Variants in SLC34A2 observed in about 807,000 individuals in gnomAD.
SLC34A2 encodes the protein solute carrier family 34 member 2.
A neutral mutation model predicts 50.8 loss-of-function variants in SLC34A2; 41 were observed. That is an observed-to-expected ratio of 0.81 (90% CI 0.63 to 1.05). The LOEUF is 1.05. Among genes scored for constraint, SLC34A2 ranks in the 50% least tolerant of loss-of-function variants. SLC34A2 has a pLI of 0.00. For synonymous variants in SLC34A2, 401 were observed against 364.2 expected, an observed-to-expected ratio of 1.10 and a Z score of -1.15; for missense variants, 879 against 876.7, an observed-to-expected ratio of 1.00 and a Z score of -0.03.
chr4:25,675,070 A>C (rs1392971294), intron 12 of SLC34A2, among the ~76,000 whole-genome samples: 1 of 151,968 alleles, frequency 6.6e-6, no homozygotes, highest in East Asian at 1.9e-4. Flanking sequence ...CTCGCACTGT[A>C]GCCCAGGCTG....
chr4:25,670,214 A>G (rs1467582028), intron 7 of SLC34A2, among the ~76,000 whole-genome samples: 1 of 152,216 alleles, frequency 6.6e-6, no homozygotes, highest in Non-Finnish European at 1.5e-5. Context: ...ACAAAGTGAG[A>G]CTGTTTTTAA....
intron 11 of SLC34A2, 37 bp downstream of exon 11, chr4:25,674,449 T>C: frequency 6.2e-7 from 1 of 1,614,222 alleles, no homozygotes; most frequent in East Asian, 2.2e-5. Context: ...TGGCCACCAC[T>C]GCCATTTCCT....
In SLC34A2 at chr4:25,664,285, G is replaced by C. The variant is rs78448446; in HGVS notation, c.334G>C (p.Val112Leu). The change falls in exon 4 of 13, where the codon GTG becomes CTG. Residue 112 changes from valine (V) to leucine (L), a missense_variant. By Grantham distance (32) the Val-to-Leu change is conservative (BLOSUM62 1). Coordinates refer to ENST00000382051, the MANE Select transcript of SLC34A2 (RefSeq NM_006424.3). ...ACTTCTCGGATTTCTCTACTTTTTC[G>C]TGTGCTCCCTGGATATTCTTAGTAG... ...ILLLGFLYFF[V>L]CSLDILSSAF... The C allele has an allele frequency of 2.5e-6, 4 of 1,612,126 alleles. No homozygotes were observed. In the African/African-American group the frequency reaches 4.0e-5, roughly 16 times the overall value.
rs1291154718 is a variant in SLC34A2 at position 25,677,460 on chromosome 4, G to C, written c.*711G>C. ...TCAGGCTGGATACATGTGCTCACCT[G>C]CTGCTCTTGTCTTCCTAAGAGACAG... On this transcript the variant is annotated 3_prime_UTR_variant, in exon 13 of 13. Coordinates refer to ENST00000382051, the MANE Select transcript of SLC34A2 (RefSeq NM_006424.3). 1 of 152,266 alleles carries C rather than the reference G, an allele frequency of 6.6e-6. No homozygotes were observed. The highest frequency in any genetic ancestry group is 2.4e-5 in the African/African-American group (1 of 41,448). 9.4% of individuals were successfully genotyped at this position (152,266 alleles called of 1,614,324 possible).
chr4:25,670,870 A>ATATT, intron 8 of SLC34A2, 37 bp downstream of exon 8: 1 of 1,500,630 alleles, frequency 6.7e-7, no homozygotes, highest in Non-Finnish European at 9.3e-7. Flanking sequence ...CGGGGAGTGA[A>ATATT]CCTTTGCATC....
At chr4:25,661,737 C>T (rs1714195564) in intron 1 of SLC34A2, among the ~76,000 whole-genome samples, 1 of 152,090 alleles carries the variant, frequency 6.6e-6, no homozygotes, top group East Asian at 1.9e-4. Context: ...CTGTTAAATT[C>T]CACTGGATAA....
At position 25,676,722 on chromosome 4, in the gene SLC34A2, C is replaced by T; in HGVS notation, c.2046C>T (p.Asp682=). 1 of 1,614,176 alleles carries T rather than the reference C, an allele frequency of 6.2e-7. No homozygotes were observed. ...REAQGEVPAS[D]SKTECTAL is the part of the protein sequence containing the mutation. ...CTCAGGGTGAGGTCCCTGCCTCGGA[C>T]TCAAAGACCGAATGCACGGCCTTGT... Residue 682 remains aspartate, a synonymous_variant, in exon 13 of 13, where the codon GAC becomes GAT. Transcript: ENST00000382051.
intron 1 of SLC34A2, among the ~76,000 whole-genome samples, chr4:25,659,243 T>C (rs1047740920): frequency 6.6e-6 from 1 of 152,092 alleles, no homozygotes; most frequent in Non-Finnish European, 1.5e-5. Context: ...TGTGCCTCAG[T>C]TTCTTTGTCT....
At chr4:25,656,033 C>T (rs939745890) in intron 1 of SLC34A2, 143 bp downstream of exon 1, 2 of 152,274 alleles carry the variant, frequency 1.3e-5, no homozygotes, top group African/African-American at 4.8e-5. Flanking sequence ...CAAAGCTCTC[C>T]ACAATGTTCA....
At chr4:25,671,173 A>G (rs1305593692) in intron 8 of SLC34A2, among the ~76,000 whole-genome samples, 5 of 152,154 alleles carry the variant, frequency 3.3e-5, no homozygotes, top group African/African-American at 4.8e-5. Context: ...AGCACGCCCT[A>G]CGGGTGTTGG....
intron 5 of SLC34A2, among the ~76,000 whole-genome samples, chr4:25,666,652 T>C (rs1290420389): frequency 1.3e-5 from 2 of 152,248 alleles, no homozygotes; most frequent in Non-Finnish European, 2.9e-5. Flanking sequence ...GAGCCACATG[T>C]GGCTGGCTGG....
At chr4:25,668,751 A>G (rs1714649567) in intron 6 of SLC34A2, among the ~76,000 whole-genome samples, 1 of 151,870 alleles carries the variant, frequency 6.6e-6, no homozygotes, top group South Asian at 2.1e-4. Flanking sequence ...TTTGTTCTTC[A>G]CTTACAAGTT....
Position 25,671,500 on chromosome 4 carries a change from C to A in SLC34A2, c.928-101C>A, listed in dbSNP as rs1446041601. ...TTCTGTTGGGGCCATACTGCATGCA[C>A]CATGGGTGGTGTCTGCGCCTGTTCA... On this transcript the variant is annotated intron_variant, in intron 8 of 12. Coordinates refer to ENST00000382051, the MANE Select transcript of SLC34A2 (RefSeq NM_006424.3). 7 of 1,425,966 alleles carry A rather than the reference C, an allele frequency of 4.9e-6. No homozygotes were observed. The African/African-American group carries it at 8.4e-5, about 17-fold the overall frequency. The allele number at this position is 1,425,966 out of a possible 1,614,324, so 88.3% of individuals were successfully genotyped here. A position where few individuals can be genotyped will look rare whatever the true frequency, so the allele number is the denominator to read the frequency against.
chr4:25,670,918 A>G (rs1714781486), intron 8 of SLC34A2, 85 bp downstream of exon 8: 5 of 1,115,442 alleles, frequency 4.5e-6, no homozygotes, highest in Non-Finnish European at 6.7e-6. Flanking sequence ...AGGAAGGTAA[A>G]TAGAAAGTCA....
chr4:25,674,703 A>T, intron 12 of SLC34A2, 74 bp downstream of exon 12: 3 of 1,591,358 alleles, frequency 1.9e-6, no homozygotes, highest in Non-Finnish European at 2.6e-6. Context: ...GGTCTCTAAC[A>T]AGAGCCAGGC....
At position 25,669,667 on chromosome 4, in the gene SLC34A2, T is replaced by C; in HGVS notation, c.656T>C (p.Val219Ala). The C allele has an allele frequency of 6.2e-7, 1 of 1,614,078 alleles. No individual in the cohort carries two copies. Among genetic ancestry groups the C allele is most frequent in the Non-Finnish European group, 8.5e-7 (1 of 1,180,036 alleles). ...CATAGAGCTTTTGCAGGAGCCACTG[T>C]CCATGACTTCTTCAACTGGCTGTCC... The part of the protein sequence containing the change: ...EFRRAFAGAT[V>A]HDFFNWLSVL... The change falls in exon 7 of 13, where the codon GTC becomes GCC. Residue 219 changes from valine (V) to alanine (A), a missense_variant. Transcript: ENST00000382051.
At position 25,674,406 on chromosome 4, in the gene SLC34A2, C is replaced by G. The variant is rs778435287; in HGVS notation, c.1327C>G (p.Leu443Val). Residue 443 changes from leucine to valine, a missense_variant, in exon 11 of 13, where the codon CTG (leucine) becomes GTG (valine). Transcript: ENST00000382051. The part of the protein sequence containing the change: ...SSVFTSALTP[L>V]IGIGVITIER... ...TGTGTTCACGTCGGCCTTGACCCCC[C>G]TGATTGGTGAGTTACACCCTGGCTT... 6.2e-7 allele frequency: 1 copy of G among 1,614,224 alleles called. No individual in the cohort carries two copies. Among genetic ancestry groups the G allele is most frequent in the Non-Finnish European group, 8.5e-7 (1 of 1,180,024 alleles).
intron 1 of SLC34A2, among the ~76,000 whole-genome samples, chr4:25,657,659 A>G (rs919352511): frequency 3.9e-5 from 6 of 152,240 alleles, no homozygotes; most frequent in African/African-American, 1.4e-4. Context: ...AGTGTGCCAC[A>G]TCAAAAATGT....
chr4:25,656,103 CTT>C (rs1205067744), intron 1 of SLC34A2, among the ~76,000 whole-genome samples: 2 of 152,224 alleles, frequency 1.3e-5, no homozygotes, highest in African/African-American at 4.8e-5. Context: ...CTGCTACACT[CTT>C]ACGATCGACA....
Sources: allele counts gnomAD v4.1 joint callset (sites outside exome capture counted in the v4.1 genomes callset), GRCh38; gene constraint gnomAD v4.1.1; transcripts MANE v1.5; gene names NCBI Gene and HGNC (gene_info 2026-07-23, HGNC 2026-07-21).